The following JAK2 variants were observed in gnomAD, a reference collection of about 807,000 sequenced individuals.
JAK2 encodes Janus kinase 2, also known as tyrosine-protein kinase JAK2.
A neutral mutation model predicts 139.3 loss-of-function variants in JAK2; 86 were observed. The ratio of observed to expected loss-of-function variants is 0.62; its 90% CI spans 0.52 to 0.74. The LOEUF is 0.74. Among genes scored for constraint, JAK2 ranks in the 30% least tolerant of loss-of-function variants. JAK2 has a pLI of 0.00. For missense variants in JAK2, 1,421 were observed against 1,360.3 expected, an observed-to-expected ratio of 1.04 and a Z score of -0.70; for synonymous variants, 490 against 437.7, an observed-to-expected ratio of 1.12 and a Z score of -1.49.
intron 2 of JAK2, among the ~76,000 whole-genome samples, chr9:5,003,296 A>C (rs938479350): frequency 6.6e-6 from 1 of 152,024 alleles, no homozygotes; most frequent in Non-Finnish European, 1.5e-5. Flanking sequence ...CTATAGATTA[A>C]TTTGGAAAAG....
At chr9:5,038,003 G>A (rs964595936) in intron 4 of JAK2, among the ~76,000 whole-genome samples, 1 of 152,176 alleles carries the variant, frequency 6.6e-6, no homozygotes, top group Non-Finnish European at 1.5e-5. Context: ...CACTAGTTAT[G>A]AGAATAATGA....
intron 16 of JAK2, among the ~76,000 whole-genome samples, chr9:5,078,948 C>A (rs1448988885): frequency 1.3e-5 from 2 of 152,140 alleles, no homozygotes; most frequent in African/African-American, 4.8e-5. Context: ...AAATTTCAGT[C>A]AGATAGTTGA....
intron 4 of JAK2, among the ~76,000 whole-genome samples, chr9:5,036,225 G>C (rs368772134): frequency 6.6e-6 from 1 of 152,098 alleles, no homozygotes; most frequent in South Asian, 2.1e-4. Flanking sequence ...TGAAGTAAAA[G>C]AGGATACAAA....
intron 22 of JAK2, chr9:5,100,103 C>T (rs529116955): frequency 6.6e-6 from 1 of 152,322 alleles, no homozygotes; most frequent in African/African-American, 2.4e-5. Flanking sequence ...GTACTATTAG[C>T]TATTAGTTTT....
intron 16 of JAK2, 105 bp downstream of exon 16, chr9:5,078,549 C>T: frequency 1.3e-6 from 1 of 784,770 alleles, no homozygotes; most frequent in Non-Finnish European, 2.0e-6. Context: ...TTTGTATGTT[C>T]CTGATTAATA....
At chr9:5,086,248 T>C in intron 19 of JAK2, 4 of 553,376 alleles carry the variant, frequency 7.2e-6, no homozygotes, top group Non-Finnish European at 4.7e-6. Flanking sequence ...CGCGGTAGGA[T>C]GGTGGCTCCG....
At chr9:5,072,776 A>G (rs948049198) in intron 13 of JAK2, 150 bp downstream of exon 13, 4 of 465,506 alleles carry the variant, frequency 8.6e-6, no homozygotes, top group Non-Finnish European at 1.4e-5. Context: ...TTGTGGGGCT[A>G]TAGAATTACA....
chr9:5,099,608 C>T (rs939857962), intron 22 of JAK2: 6 of 152,178 alleles, frequency 3.9e-5, no homozygotes, highest in African/African-American at 1.4e-4. Flanking sequence ...CAATTCTAGG[C>T]CTACCAGCAG....
chr9:5,020,632 CA>C (rs1276801975), intron 2 of JAK2, among the ~76,000 whole-genome samples: 1 of 152,122 alleles, frequency 6.6e-6, no homozygotes. Context: ...AGGGTGCATG[CA>C]AATTTGCATT....
chr9:5,117,237 C>T (rs1823262987), intron 22 of JAK2, among the ~76,000 whole-genome samples: 1 of 152,214 alleles, frequency 6.6e-6, no homozygotes, highest in Non-Finnish European at 1.5e-5. Flanking sequence ...TATCCATTGT[C>T]AGGTACTCTG....
chr9:5,127,750 TTTTTAAA>T lies in JAK2; in HGVS notation c.*960_*966del, dbSNP rs1186100025. 7 of 232,552 alleles carry T rather than the reference TTTTTAAA, an allele frequency of 3.0e-5. No homozygotes were observed. The highest frequency in any genetic ancestry group is 5.1e-5 in the Non-Finnish European group (6 of 117,282). 14.4% of individuals were successfully genotyped at this position (232,552 alleles called of 1,614,324 possible). ...TAAGCCATAAAATAGATTAGATTGTTTTTTAAAAATGGATAGCTCATTAAGAAGTGCA... is the reference window on the plus strand; with the variant it reads ...TAAGCCATAAAATAGATTAGATTGTTAATGGATAGCTCATTAAGAAGTGCA... On this transcript the variant is annotated 3_prime_UTR_variant, in exon 25 of 25. Transcript: ENST00000381652.
intron 22 of JAK2, among the ~76,000 whole-genome samples, chr9:5,120,981 A>G (rs2130845863): frequency 6.6e-6 from 1 of 152,312 alleles, no homozygotes; most frequent in East Asian, 1.9e-4. Context: ...GGTCAAAGAT[A>G]TGGTTATAAA....
At chr9:5,114,496 A>T (rs138217797) in intron 22 of JAK2, 4 of 465,622 alleles carry the variant, frequency 8.6e-6, no homozygotes, top group Admixed American at 5.2e-5. Context: ...GCTCCCCCAC[A>T]GGTCTACGTG....
intron 2 of JAK2, among the ~76,000 whole-genome samples, chr9:5,013,961 C>T (rs1004907500): frequency 6.6e-5 from 10 of 152,024 alleles, no homozygotes; most frequent in Non-Finnish European, 2.9e-5. Flanking sequence ...GGTCTCTTGG[C>T]TCCCAGGTTA....
At chr9:5,007,768 G>A (rs1222677438) in intron 2 of JAK2, among the ~76,000 whole-genome samples, 3 of 150,658 alleles carry the variant, frequency 2.0e-5, no homozygotes, top group African/African-American at 7.3e-5. Context: ...CACCCAGGCT[G>A]AACTGCAGTG....
chr9:5,012,328 C>G (rs1821755493), intron 2 of JAK2, among the ~76,000 whole-genome samples: 1 of 152,066 alleles, frequency 6.6e-6, no homozygotes, highest in Non-Finnish European at 1.5e-5. Context: ...TTTGTATCTG[C>G]TTTTGTTTCT....
At chr9:5,081,964 T>G in intron 19 of JAK2, 103 bp downstream of exon 19, 1 of 959,182 alleles carries the variant, frequency 1.0e-6, no homozygotes, top group Non-Finnish European at 1.6e-6. Flanking sequence ...AAGGAGTGCT[T>G]GTAGAAAAAA....
At chr9:5,038,845 G>T (rs572314797) in intron 4 of JAK2, among the ~76,000 whole-genome samples, 1 of 152,170 alleles carries the variant, frequency 6.6e-6, no homozygotes, top group African/African-American at 2.4e-5. Flanking sequence ...TACAAGGCTA[G>T]TGTAACTTCC....
intron 22 of JAK2, chr9:5,112,914 C>T (rs1822759505): frequency 3.6e-6 from 1 of 278,700 alleles, no homozygotes; most frequent in Non-Finnish European, 6.6e-6. Flanking sequence ...AGAACGCCCA[C>T]TTGAGGCCCT....
Sources: gnomAD v4.1 joint callset for allele counts (sites outside exome capture counted in the v4.1 genomes callset) on GRCh38, gnomAD v4.1.1 for gene constraint, MANE v1.5 for transcripts, NCBI Gene and HGNC (gene_info 2026-07-23, HGNC 2026-07-21) for gene names.